Variants in COL6A5 observed in about 807,000 individuals in gnomAD.
COL6A5 encodes the protein collagen type VI alpha 5 chain.
COL6A5 carries 48 observed loss-of-function variants against 65.6 expected under a neutral mutation model. The ratio of observed to expected loss-of-function variants is 0.73; its 90% CI spans 0.58 to 0.93. The LOEUF is 0.93. Ranked by LOEUF, COL6A5 falls within the 40% of genes least tolerant of loss-of-function variation. The pLI is 0.00. For synonymous variants in COL6A5, 291 were observed against 322.8 expected (o/e 0.90, Z 1.05); for missense variants, 914 against 928.3 (o/e 0.98, Z 0.20).
intron 5 of COL6A5, among the ~76,000 whole-genome samples, chr3:130,461,349 G>A (rs993380001): frequency 6.6e-6 from 1 of 152,096 alleles, no homozygotes. Context: ...AACAATGAAT[G>A]AGGAATAATA....
At position 130,470,894 on chromosome 3, in the gene COL6A5, G is replaced by A. The variant is rs200982668; in HGVS notation, c.2257G>A (p.Glu753Lys). The A allele has an allele frequency of 1.9e-4, 307 of 1,612,084 alleles. 2 individuals carry two copies. The Admixed American group carries it at 3.8e-3, about 20-fold the overall frequency. Residue 753 changes from glutamate (E) to lysine (K), a missense_variant, in exon 7 of 8, where the codon GAA (glutamate) becomes AAA (lysine). Transcript: ENST00000512836. Reference sequence around the variant, plus strand: ...AGGTGCCATCAACAAATATCCCACCGAAGATATGAAAGCCACATGTGTTAA... The same window carrying A: ...AGGTGCCATCAACAAATATCCCACCAAAGATATGAAAGCCACATGTGTTAA...
intron 2 of COL6A5, among the ~76,000 whole-genome samples, chr3:130,375,510 C>T (rs1935730948): frequency 6.6e-6 from 1 of 151,992 alleles, no homozygotes; most frequent in African/African-American, 2.4e-5. Flanking sequence ...CATCTGAAAT[C>T]CCCATCTTAG....
intron 5 of COL6A5, among the ~76,000 whole-genome samples, chr3:130,458,575 C>G (rs1367476657): frequency 6.6e-6 from 1 of 152,104 alleles, no homozygotes; most frequent in Non-Finnish European, 1.5e-5. Flanking sequence ...GTTTAAGGGC[C>G]ACTGCATGTT....
At chr3:130,372,580 A>G (rs1379651951) in intron 1 of COL6A5, among the ~76,000 whole-genome samples, 1 of 152,174 alleles carries the variant, frequency 6.6e-6, no homozygotes, top group Non-Finnish European at 1.5e-5. Context: ...AAGGCCACAT[A>G]TTGTATGATT....
At chr3:130,365,958 C>G (rs188372945) in intron 1 of COL6A5, among the ~76,000 whole-genome samples, 1 of 152,236 alleles carries the variant, frequency 6.6e-6, no homozygotes, top group Admixed American at 6.5e-5. Context: ...ATGAGAAGAG[C>G]GAGCCAAGCC....
chr3:130,405,406 TAC>T (rs1936951383), intron 13 of COL6A5, among the ~76,000 whole-genome samples, 180 bp from the exon 14 acceptor site: 1 of 152,154 alleles, frequency 6.6e-6, no homozygotes, highest in East Asian at 1.9e-4. Flanking sequence ...CATGTTTGAA[TAC>T]AGAGGGGAAA....
intron 7 of COL6A5, among the ~76,000 whole-genome samples, chr3:130,392,650 C>T: frequency 6.6e-6 from 1 of 152,110 alleles, no homozygotes; most frequent in East Asian, 1.9e-4. Flanking sequence ...CAACAGGAAG[C>T]TCACTTTTGT....
chr3:130,426,270 GA>G (rs1559896449), intron 30 of COL6A5, 21 bp downstream of exon 30: 1 of 1,551,228 alleles, frequency 6.4e-7, no homozygotes. Context: ...CCTTATTCAT[GA>G]AAGAAAACTC....
chr3:130,385,060 T>C, exon 5 of COL6A5: 2 of 1,550,964 alleles, frequency 1.3e-6, no homozygotes, highest in East Asian at 2.4e-5. Flanking sequence ...CTGGTGGAAC[T>C]TATACTGGGA....
At chr3:130,403,483 G>A (rs1021644859) in intron 12 of COL6A5, 126 bp from the exon 13 acceptor site, 1 of 724,356 alleles carries the variant, frequency 1.4e-6, no homozygotes, top group Non-Finnish European at 2.3e-6. Context: ...CCAAACTCAC[G>A]GCCACATCTG....
intron 4 of COL6A5, among the ~76,000 whole-genome samples, chr3:130,454,872 G>A (rs2107599255): frequency 6.6e-6 from 1 of 152,230 alleles, no homozygotes; most frequent in Admixed American, 6.5e-5. Flanking sequence ...TGGACATGGT[G>A]GCTCACACCT....
intron 27 of COL6A5, 32 bp downstream of exon 27, chr3:130,421,392 T>A (rs998572806): frequency 3.2e-6 from 5 of 1,547,432 alleles, no homozygotes; most frequent in Admixed American, 2.0e-5. Context: ...GAAATTACCA[T>A]GATCTTAACC....
intron 10 of COL6A5, among the ~76,000 whole-genome samples, chr3:130,398,412 G>A (rs554154110): frequency 6.6e-6 from 1 of 152,212 alleles, no homozygotes; most frequent in Non-Finnish European, 1.5e-5. Context: ...TTGCAGGCGT[G>A]AGCCACCGCG....
At chr3:130,467,376 T>C (rs904910760) in intron 5 of COL6A5, among the ~76,000 whole-genome samples, 4 of 151,938 alleles carry the variant, frequency 2.6e-5, no homozygotes, top group Admixed American at 1.3e-4. Flanking sequence ...TTAACACCAG[T>C]TAACAATAAT....
At chr3:130,360,698 T>C (rs927713386) in intron 1 of COL6A5, among the ~76,000 whole-genome samples, 2 of 152,128 alleles carry the variant, frequency 1.3e-5, no homozygotes, top group African/African-American at 2.4e-5. Flanking sequence ...GTGCACACCT[T>C]TATTGCTAGT....
intron 1 of COL6A5, among the ~76,000 whole-genome samples, chr3:130,432,156 C>T (rs762228378): frequency 6.6e-6 from 1 of 152,150 alleles, no homozygotes; most frequent in Non-Finnish European, 1.5e-5. Flanking sequence ...CACATTTGCT[C>T]AGCTCGTGCT....
chr3:130,346,692 T>C (rs1934490318), intron 1 of COL6A5, among the ~76,000 whole-genome samples: 1 of 152,228 alleles, frequency 6.6e-6, no homozygotes, highest in Non-Finnish European at 1.5e-5. Flanking sequence ...GGTAGCGTGT[T>C]ATTTCTCTTA....
chr3:130,388,414 C>T (rs1480637879), intron 5 of COL6A5, among the ~76,000 whole-genome samples, 166 bp from the exon 6 acceptor site: 10 of 152,100 alleles, frequency 6.6e-5, no homozygotes, highest in Non-Finnish European at 5.9e-5. Context: ...AGGTTCTAGT[C>T]AACCAGCTTC....
intron 5 of COL6A5, among the ~76,000 whole-genome samples, chr3:130,456,493 C>T (rs763940685): frequency 4.0e-4 from 61 of 152,070 alleles, no homozygotes; most frequent in Non-Finnish European, 8.2e-4. Context: ...TGATGATTCT[C>T]ATCATTCCAT....
Sources: gnomAD v4.1 joint callset for allele counts (sites outside exome capture counted in the v4.1 genomes callset) on GRCh38, gnomAD v4.1.1 for gene constraint, MANE v1.5 for transcripts, NCBI Gene and HGNC (gene_info 2026-07-23, HGNC 2026-07-21) for gene names.